The following VAV3 variants were observed in gnomAD, a reference collection of about 807,000 sequenced individuals.
VAV3 encodes vav guanine nucleotide exchange factor 3, also known as guanine nucleotide exchange factor VAV3.
VAV3 carries 94 observed loss-of-function variants against 131.2 expected under a neutral mutation model. The ratio of observed to expected loss-of-function variants is 0.72; its 90% CI spans 0.61 to 0.85. The LOEUF (loss-of-function observed/expected upper bound fraction) is 0.85, where lower values mean the gene tolerates loss of function less well. VAV3 is among the 40% of genes least tolerant of loss of function. VAV3 has a pLI of 0.00. For missense variants in VAV3, 939 were observed against 1,002.7 expected, an observed-to-expected ratio of 0.94 and a Z score of 0.86; for synonymous variants, 349 against 342.0, an observed-to-expected ratio of 1.02 and a Z score of -0.22.
chr1:107,925,119 A>G (rs1673087633), intron 1 of VAV3, among the ~76,000 whole-genome samples: 1 of 152,230 alleles, frequency 6.6e-6, no homozygotes, highest in Non-Finnish European at 1.5e-5. Context: ...GCCAGACACA[A>G]AAGAGTGCAT....
chr1:107,895,957 G>A (rs1304449093), intron 1 of VAV3, among the ~76,000 whole-genome samples: 1 of 152,142 alleles, frequency 6.6e-6, no homozygotes, highest in Non-Finnish European at 1.5e-5. Context: ...CACAGAAAGT[G>A]CTCAATGAAG....
intron 2 of VAV3, among the ~76,000 whole-genome samples, chr1:107,866,817 C>A (rs1670005520): frequency 1.4e-5 from 1 of 71,202 alleles, no homozygotes; most frequent in Non-Finnish European, 2.4e-5. Context: ...AGCGAGACTC[C>A]ATCTCAAAAA....
At chr1:107,918,471 G>A (rs1571140194) in intron 1 of VAV3, among the ~76,000 whole-genome samples, 1 of 151,946 alleles carries the variant, frequency 6.6e-6, no homozygotes. Flanking sequence ...AAACCAAGCC[G>A]AGGTCAATGA....
intron 2 of VAV3, among the ~76,000 whole-genome samples, chr1:107,837,693 T>C (rs1322281858): frequency 6.6e-6 from 1 of 152,056 alleles, no homozygotes; most frequent in Non-Finnish European, 1.5e-5. Flanking sequence ...AAGTGACACA[T>C]AGACCAATGA....
chr1:107,962,277 A>G (rs1675123520), intron 1 of VAV3, among the ~76,000 whole-genome samples: 1 of 152,192 alleles, frequency 6.6e-6, no homozygotes, highest in Non-Finnish European at 1.5e-5. Context: ...TACCAGGTTA[A>G]TAGTGTATTC....
intron 1 of VAV3, among the ~76,000 whole-genome samples, chr1:107,885,147 A>T (rs1490851929): frequency 6.6e-6 from 1 of 152,196 alleles, no homozygotes; most frequent in Non-Finnish European, 1.5e-5. Context: ...GCAGGGAACA[A>T]GAATCGCCAT....
chr1:107,712,737 TAAGTA>T (rs150329690), intron 15 of VAV3, among the ~76,000 whole-genome samples: 1,935 of 152,232 alleles, frequency 0.013, 14 homozygotes, highest in Middle Eastern at 0.041. Flanking sequence ...TGAACAAAAA[TAAGTA>T]AAGTCCCTGA....
chr1:107,650,609 G>A (rs1010674793), intron 19 of VAV3, among the ~76,000 whole-genome samples: 1 of 150,348 alleles, frequency 6.7e-6, no homozygotes, highest in Non-Finnish European at 1.5e-5. Flanking sequence ...TGCACAATGT[G>A]CAGGTTAGTT....
intron 15 of VAV3, among the ~76,000 whole-genome samples, chr1:107,743,036 C>T (rs752606651): frequency 2.1e-4 from 32 of 152,110 alleles, no homozygotes; most frequent in Non-Finnish European, 3.8e-4. Context: ...ATATCTGAGG[C>T]CTGGGCATTC....
chr1:107,749,446 GT>G lies in VAV3; in HGVS notation c.1392+15del. 6.3e-7 allele frequency: 1 copy of G among 1,584,174 alleles called. No homozygotes were observed. Among genetic ancestry groups the G allele is most frequent in the Non-Finnish European group, 8.5e-7 (1 of 1,171,682 alleles). On this transcript the variant is annotated intron_variant, in intron 14 of 26. Transcript: ENST00000370056. ...GATTATAAGTAAATTACAGTTATTA[GT>G]TTCCAAAAAGTCACCTTTTTGTTTT...
At chr1:107,933,753 C>T (rs181289646) in intron 1 of VAV3, among the ~76,000 whole-genome samples, 120 of 143,802 alleles carry the variant, frequency 8.3e-4, no homozygotes, top group Admixed American at 1.7e-3. Flanking sequence ...GAATTCAAGG[C>T]TTCAGTGAGC....
At chr1:107,698,074 T>C (rs1659854775) in intron 17 of VAV3, among the ~76,000 whole-genome samples, 1 of 152,232 alleles carries the variant, frequency 6.6e-6, no homozygotes, top group South Asian at 2.1e-4. Context: ...ACAGATTGCA[T>C]ATTTCTCTGT....
At chr1:107,843,118 G>A (rs1019700963) in intron 2 of VAV3, among the ~76,000 whole-genome samples, 3 of 151,914 alleles carry the variant, frequency 2.0e-5, no homozygotes, top group Non-Finnish European at 2.9e-5. Context: ...TGAAACCTAT[G>A]AGTCAAATTC....
chr1:107,673,969 A>G (rs1361087674), intron 19 of VAV3, among the ~76,000 whole-genome samples: 2 of 152,206 alleles, frequency 1.3e-5, no homozygotes, highest in Non-Finnish European at 2.9e-5. Context: ...CTCAAGTGTC[A>G]TTTTTTAAAA....
chr1:107,709,805 T>G (rs1660670864), intron 15 of VAV3, among the ~76,000 whole-genome samples: 2 of 152,200 alleles, frequency 1.3e-5, no homozygotes, highest in African/African-American at 4.8e-5. Context: ...TTGTCTCCCC[T>G]TCTACCATGA....
intron 2 of VAV3, among the ~76,000 whole-genome samples, chr1:107,806,112 T>G (rs77801503): frequency 0.018 from 2,757 of 152,290 alleles, 31 homozygotes; most frequent in East Asian, 0.039. Flanking sequence ...CCTCTGCCTT[T>G]TGTCTCCAGT....
intron 20 of VAV3, among the ~76,000 whole-genome samples, chr1:107,619,519 C>T (rs1015416038): frequency 2.0e-5 from 3 of 151,996 alleles, no homozygotes; most frequent in African/African-American, 7.2e-5. Context: ...TACAATGCTA[C>T]CTGAGTGCAA....
At chr1:107,695,113 T>C (rs1216623445) in intron 17 of VAV3, among the ~76,000 whole-genome samples, 1 of 151,830 alleles carries the variant, frequency 6.6e-6, no homozygotes, top group Non-Finnish European at 1.5e-5. Context: ...AAAAAACTGG[T>C]TGGAGAACTG....
intron 2 of VAV3, among the ~76,000 whole-genome samples, chr1:107,857,855 C>T (rs1669541722): frequency 1.3e-5 from 2 of 151,556 alleles, no homozygotes; most frequent in Non-Finnish European, 2.9e-5. Context: ...AGCTGGAGTT[C>T]GAGAGAGAAA....
Sources: allele counts gnomAD v4.1 joint callset (sites outside exome capture counted in the v4.1 genomes callset), GRCh38; gene constraint gnomAD v4.1.1; transcripts MANE v1.5; gene names NCBI Gene and HGNC (gene_info 2026-07-23, HGNC 2026-07-21).